The following BBX variants were observed in gnomAD, a reference collection of about 807,000 sequenced individuals.
BBX encodes BBX high mobility group box domain containing.
BBX carries 30 observed loss-of-function variants against 100.2 expected under a neutral mutation model. The observed-to-expected ratio is 0.30, with a 90% confidence interval of 0.22 to 0.41. The LOEUF (loss-of-function observed/expected upper bound fraction) is 0.41, where lower values mean the gene tolerates loss of function less well. Among genes scored for constraint, BBX ranks in the 10% least tolerant of loss-of-function variants. The pLI is 1.00. For missense variants in BBX, 1,023 were observed against 1,129.8 expected (o/e 0.91, Z 1.35); for synonymous variants, 376 against 388.1 (o/e 0.97, Z 0.37).
intron 8 of BBX, 54 bp from the exon 9 acceptor site, chr3:107,747,911 G>C: frequency 6.9e-7 from 1 of 1,451,832 alleles, no homozygotes; most frequent in South Asian, 1.2e-5. Context: ...AGAATCTTAT[G>C]ATCTGATGTG....
chr3:107,710,712 G>C, intron 4 of BBX, 90 bp downstream of exon 4: 1 of 1,264,194 alleles, frequency 7.9e-7, no homozygotes, highest in South Asian at 1.7e-5. Context: ...TATTACAAAA[G>C]TGTTTCCAAA....
In BBX at chr3:107,793,259, T is replaced by C. The variant is rs144758181; in HGVS notation, c.2353+1960T>C. Among the ~76,000 whole-genome samples, 154 of 152,278 alleles carry C rather than the reference T, an allele frequency of 1.0e-3. 2 individuals are homozygous for C. In the East Asian group the frequency reaches 0.027, roughly 27 times the overall value. Reference sequence around the variant, plus strand: ...TGGGGGCAGAAAAGTAAATCACTTTTGAGTCTTACAGGCAGTCCCAGGCTT... The same window carrying C: ...TGGGGGCAGAAAAGTAAATCACTTTCGAGTCTTACAGGCAGTCCCAGGCTT... On this transcript the variant is annotated intron_variant, in intron 15 of 17. Transcript: ENST00000325805.
intron 2 of BBX, among the ~76,000 whole-genome samples, chr3:107,610,531 G>A (rs1358386405): frequency 6.6e-6 from 1 of 151,882 alleles, no homozygotes; most frequent in African/African-American, 2.4e-5. Context: ...TTCCAGTGTT[G>A]GGTGCATATG....
At chr3:107,788,443 C>A (rs2068658457) in intron 13 of BBX, among the ~76,000 whole-genome samples, 1 of 152,044 alleles carries the variant, frequency 6.6e-6, no homozygotes, top group African/African-American at 2.4e-5. Flanking sequence ...CCTTGAAGAG[C>A]AGTTTTCCAT....
chr3:107,755,497 A>G, intron 9 of BBX, 101 bp from the exon 10 acceptor site: 1 of 979,798 alleles, frequency 1.0e-6, no homozygotes, highest in South Asian at 1.4e-5. Flanking sequence ...GGGAGCAATG[A>G]TACTCTCGTA....
chr3:107,537,170 A>G (rs976462357), intron 2 of BBX, among the ~76,000 whole-genome samples: 2 of 152,236 alleles, frequency 1.3e-5, no homozygotes, highest in African/African-American at 2.4e-5. Flanking sequence ...ATTTAAACAT[A>G]TTAAAATTAT....
At chr3:107,580,294 T>C (rs1408579822) in intron 2 of BBX, among the ~76,000 whole-genome samples, 1 of 148,772 alleles carries the variant, frequency 6.7e-6, no homozygotes, top group Non-Finnish European at 1.5e-5. Context: ...ATTTTTAATC[T>C]TGTTTCTCTT....
chr3:107,762,760 T>A (rs1197507315), intron 10 of BBX, among the ~76,000 whole-genome samples: 1 of 152,168 alleles, frequency 6.6e-6, no homozygotes, highest in Non-Finnish European at 1.5e-5. Flanking sequence ...TAATAGACAA[T>A]GAAAGATGAC....
At chr3:107,666,491 T>C (rs1488595094) in intron 3 of BBX, among the ~76,000 whole-genome samples, 1 of 151,468 alleles carries the variant, frequency 6.6e-6, no homozygotes, top group Non-Finnish European at 1.5e-5. Context: ...TAGTGAAGGA[T>C]TTATTTTTAA....
intron 13 of BBX, among the ~76,000 whole-genome samples, chr3:107,787,649 CA>C (rs2068578810): frequency 6.6e-6 from 1 of 152,072 alleles, no homozygotes; most frequent in Non-Finnish European, 1.5e-5. Flanking sequence ...TATATTTCAA[CA>C]AAGCTGTTTT....
intron 13 of BBX, among the ~76,000 whole-genome samples, chr3:107,786,145 C>G (rs1329513710): frequency 6.6e-6 from 1 of 151,906 alleles, no homozygotes; most frequent in Non-Finnish European, 1.5e-5. Context: ...ACAATGAAAA[C>G]AAATCATTGC....
intron 4 of BBX, among the ~76,000 whole-genome samples, chr3:107,712,784 G>A (rs2061812570): frequency 6.6e-6 from 1 of 152,190 alleles, no homozygotes; most frequent in South Asian, 2.1e-4. Context: ...TGAGGGCAGG[G>A]ACTCTGTGTG....
chr3:107,772,093 TA>T (rs66985998), intron 10 of BBX, among the ~76,000 whole-genome samples: 149,167 of 151,584 alleles, frequency 0.98, 73,411 homozygotes, highest in Middle Eastern at 1. Context: ...CATTCCAAAA[TA>T]AAAAAAAAAA....
chr3:107,766,748 C>CA (rs1164037317), intron 10 of BBX, among the ~76,000 whole-genome samples: 1 of 152,164 alleles, frequency 6.6e-6, no homozygotes. Flanking sequence ...TATAAAGACA[C>CA]ATGCACATAT....
rs147805201 is a variant in BBX at position 107,673,770 on chromosome 3, A to G, written c.-10+27861A>G. Among the ~76,000 whole-genome samples, 394 of 152,236 alleles carry G rather than the reference A, an allele frequency of 2.6e-3. 4 individuals carry two copies. The highest frequency in any genetic ancestry group is 9.1e-3 in the African/African-American group (378 of 41,548). On this transcript the variant is annotated intron_variant, in intron 3 of 17. Coordinates refer to ENST00000325805, the MANE Select transcript of BBX (RefSeq NM_001142568.3). The stretch of plus-strand genomic sequence containing the variant: ...ACTGTAAACTCTTGAAAATTATCAT[A>G]AAATACTACATGTAGAACTATTTTT...
chr3:107,578,542 G>T (rs987010720), intron 2 of BBX, among the ~76,000 whole-genome samples: 1 of 152,136 alleles, frequency 6.6e-6, no homozygotes. Context: ...TTAAATATTT[G>T]AAAAATAGTA....
At chr3:107,595,530 A>G (rs2053614228) in intron 2 of BBX, among the ~76,000 whole-genome samples, 1 of 152,240 alleles carries the variant, frequency 6.6e-6, no homozygotes, top group Non-Finnish European at 1.5e-5. Context: ...TGCAGAAATA[A>G]CTAATGAAAG....
intron 10 of BBX, among the ~76,000 whole-genome samples, chr3:107,767,080 A>G (rs1445548656): frequency 6.6e-6 from 1 of 152,244 alleles, no homozygotes; most frequent in Non-Finnish European, 1.5e-5. Context: ...GAGGGAGAGC[A>G]TTAGGACAAA....
At chr3:107,626,411 A>C (rs2056177496) in intron 2 of BBX, among the ~76,000 whole-genome samples, 1 of 152,254 alleles carries the variant, frequency 6.6e-6, no homozygotes, top group Non-Finnish European at 1.5e-5. Flanking sequence ...AACTTAAAAC[A>C]ATGAACATTC....
Sources: gnomAD v4.1 joint callset for allele counts (sites outside exome capture counted in the v4.1 genomes callset) on GRCh38, gnomAD v4.1.1 for gene constraint, MANE v1.5 for transcripts, NCBI Gene and HGNC (gene_info 2026-07-23, HGNC 2026-07-21) for gene names.